The following LAMA2 variants were observed in gnomAD, a reference collection of about 807,000 sequenced individuals.
LAMA2 encodes the protein laminin subunit alpha-2.
LAMA2 carries 269 observed loss-of-function variants against 364.8 expected under a neutral mutation model. The observed-to-expected ratio is 0.74, with a 90% CI of 0.67 to 0.82. The LOEUF (loss-of-function observed/expected upper bound fraction) is 0.82. Ranked by LOEUF, LAMA2 falls within the 40% of genes least tolerant of loss-of-function variation. The pLI, the probability that LAMA2 is intolerant of heterozygous loss-of-function variation, is 0.00. For missense variants in LAMA2, 3,807 were observed against 3,873.2 expected (o/e 0.98, Z 0.45); for synonymous variants, 1,379 against 1,370.6 (o/e 1.01, Z -0.14).
intron 1 of LAMA2, among the ~76,000 whole-genome samples, chr6:129,030,980 A>G (rs917883301): frequency 2.6e-5 from 4 of 152,166 alleles, no homozygotes; most frequent in African/African-American, 7.2e-5. Flanking sequence ...AAAACTCATA[A>G]TATCTGAGAG....
At chr6:129,173,813 T>C (rs1780381227) in intron 9 of LAMA2, among the ~76,000 whole-genome samples, 1 of 152,146 alleles carries the variant, frequency 6.6e-6, no homozygotes, top group Admixed American at 6.5e-5. Context: ...TATTTTAGTG[T>C]ATTACTGGCA....
At chr6:129,140,891 A>C in intron 4 of LAMA2, among the ~76,000 whole-genome samples, 1 of 152,090 alleles carries the variant, frequency 6.6e-6, no homozygotes, top group East Asian at 1.9e-4. Context: ...AGCTGTGAGA[A>C]GTGTTCTTTT....
Position 128,908,638 on chromosome 6 carries a change from A to G in LAMA2, c.112+25281A>G, listed in dbSNP as rs1247881390. Among the ~76,000 whole-genome samples the G allele has an allele frequency of 3.9e-5, 5 of 129,374 alleles. No individual in the cohort carries two copies. The East Asian group carries it at 9.0e-4, about 23-fold the overall frequency. 84.9% of individuals were successfully genotyped at this position (129,374 alleles called of 152,430 possible). A position where few individuals can be genotyped will look rare whatever the true frequency, so the allele number is the denominator to read the frequency against. On this transcript the variant is annotated intron_variant, in intron 1 of 64. Coordinates refer to ENST00000421865, the MANE Select transcript of LAMA2 (RefSeq NM_000426.4). The stretch of plus-strand genomic sequence containing the variant: ...GGTTTTTTGTGTCTCTATTTCCTTC[A>G]GTTCTGCTCTGATTTTAGTTATTTC...
rs1774542275 is a variant in LAMA2, at chr6:129,315,636, A to G, written c.3716A>G (p.Glu1239Gly). 1.2e-6 allele frequency: 2 copies of G among 1,614,208 alleles called. No individual in the cohort carries two copies. Among genetic ancestry groups the G allele is most frequent in the Non-Finnish European group, 8.5e-7 (1 of 1,180,026 alleles). ...GAACCTTTTTATTGGAAACTTCCAG[A>G]ACAATTTGAAGGAAAGAAGGTAAGC... ...HLEPFYWKLP[E>G]QFEGKKLMAY... The change falls in exon 25 of 65, where the codon GAA (glutamate) becomes GGA (glycine). Residue 1239 changes from glutamate (E) to glycine (G), a missense_variant. Physicochemically the swap from Glu to Gly is moderately conservative, Grantham distance 98. Around this residue, in one of 3 missense-constraint regions of LAMA2, gnomAD observed 3,333 missense variants for 3,345.7 expected, o/e 1.00. Coordinates refer to ENST00000421865, the MANE Select transcript of LAMA2 (RefSeq NM_000426.4).
intron 9 of LAMA2, among the ~76,000 whole-genome samples, chr6:129,167,206 A>G (rs1779803185): frequency 6.6e-6 from 1 of 151,918 alleles, no homozygotes; most frequent in African/African-American, 2.4e-5. Flanking sequence ...ACATGTGCAC[A>G]ATGTGCAGGT....
At chr6:129,101,391 T>C (rs1178241673) in intron 4 of LAMA2, among the ~76,000 whole-genome samples, 1 of 152,226 alleles carries the variant, frequency 6.6e-6, no homozygotes, top group Non-Finnish European at 1.5e-5. Context: ...GAATTCTAGG[T>C]TTGCAGTTAT....
intron 1 of LAMA2, among the ~76,000 whole-genome samples, chr6:129,041,665 G>T (rs934680127): frequency 6.6e-6 from 1 of 152,202 alleles, no homozygotes; most frequent in Admixed American, 6.5e-5. Context: ...CACTTGGTAA[G>T]GTTGAAAGAA....
At position 129,481,452 on chromosome 6, in the gene LAMA2, C is replaced by T; in HGVS notation, c.7749+13C>T. On this transcript the variant is annotated intron_variant, in intron 55 of 64. Coordinates refer to ENST00000421865, the MANE Select transcript of LAMA2 (RefSeq NM_000426.4). ...GCAGACTGGACAGGTACCCTCACAC[C>T]TAGCTGATAATGCATTTTCCCTAAT... 6.2e-7 allele frequency: 1 copy of T among 1,606,598 alleles called. No individual in the cohort carries two copies. Among genetic ancestry groups the T allele is most frequent in the Non-Finnish European group, 8.5e-7 (1 of 1,173,186 alleles).
chr6:128,899,603 CT>C (rs1376387804), intron 1 of LAMA2, among the ~76,000 whole-genome samples: 1 of 152,010 alleles, frequency 6.6e-6, no homozygotes, highest in Non-Finnish European at 1.5e-5. Flanking sequence ...TTTATGTGTA[CT>C]TTTTCCCCCT....
At chr6:129,068,611 G>A (rs1773093604) in intron 3 of LAMA2, among the ~76,000 whole-genome samples, 1 of 152,192 alleles carries the variant, frequency 6.6e-6, no homozygotes, top group South Asian at 2.1e-4. Flanking sequence ...TTAGGGGTTA[G>A]GATTTCAACA....
At chr6:129,069,433 A>T (rs1004124735) in intron 3 of LAMA2, among the ~76,000 whole-genome samples, 18 of 148,360 alleles carry the variant, frequency 1.2e-4, no homozygotes, top group Non-Finnish European at 8.9e-5. Context: ...TTTATTTAAA[A>T]ATAAGGAATT....
chr6:129,173,299 G>T (rs998221535), intron 9 of LAMA2, among the ~76,000 whole-genome samples: 1 of 152,084 alleles, frequency 6.6e-6, no homozygotes, highest in African/African-American at 2.4e-5. Context: ...CGTCTTGAAA[G>T]GTGAAGAAAT....
chr6:129,307,147 A>G (rs2114479121), intron 22 of LAMA2, among the ~76,000 whole-genome samples: 1 of 152,254 alleles, frequency 6.6e-6, no homozygotes, highest in Non-Finnish European at 1.5e-5. Context: ...CTTGCTTTTG[A>G]GTTTTGTTAG....
chr6:128,899,575 T>A (rs1346097912), intron 1 of LAMA2, among the ~76,000 whole-genome samples: 1 of 152,208 alleles, frequency 6.6e-6, no homozygotes, highest in African/African-American at 2.4e-5. Flanking sequence ...AGACCAAGAG[T>A]GTTGCCTTTT....
intron 4 of LAMA2, among the ~76,000 whole-genome samples, chr6:129,136,119 T>A (rs1413357434): frequency 6.6e-6 from 1 of 152,158 alleles, no homozygotes; most frequent in Non-Finnish European, 1.5e-5. Flanking sequence ...TAATCACTGT[T>A]CCTTTTGTAC....
intron 40 of LAMA2, among the ~76,000 whole-genome samples, chr6:129,404,360 A>C (rs1483574807): frequency 6.6e-6 from 1 of 152,210 alleles, no homozygotes; most frequent in Non-Finnish European, 1.5e-5. Flanking sequence ...TATAAAATTC[A>C]CTTTTTAATA....
At chr6:129,459,420 A>G (rs1281737023) in intron 48 of LAMA2, among the ~76,000 whole-genome samples, 1 of 152,096 alleles carries the variant, frequency 6.6e-6, no homozygotes, top group Non-Finnish European at 1.5e-5. Flanking sequence ...TTGTGTATCA[A>G]GCCTAAGACT....
chr6:129,037,804 C>G lies in LAMA2; in HGVS notation c.113-12114C>G, dbSNP rs545124185. On this transcript the variant is annotated intron_variant, in intron 1 of 64. Coordinates refer to ENST00000421865, the MANE Select transcript of LAMA2 (RefSeq NM_000426.4). The stretch of plus-strand genomic sequence containing the variant: ...CCCGCCTCAGCCTCCCGAGTAGCTG[C>G]AACTACAGGTGCTTGCCACCACACC... Among the ~76,000 whole-genome samples, 1,059 of 151,892 alleles carry G rather than the reference C, an allele frequency of 7.0e-3. 6 individuals are homozygous for G. Among genetic ancestry groups the G allele is most frequent in the Non-Finnish European group, 9.8e-3 (663 of 67,924 alleles).
chr6:129,244,242 A>G (rs1448338375), intron 12 of LAMA2, among the ~76,000 whole-genome samples: 1 of 152,132 alleles, frequency 6.6e-6, no homozygotes, highest in East Asian at 1.9e-4. Flanking sequence ...TAAAGAAGAG[A>G]AATCTGTTCT....
Sources: allele counts gnomAD v4.1 joint callset (sites outside exome capture counted in the v4.1 genomes callset), GRCh38; gene constraint gnomAD v4.1.1; regional missense constraint gnomAD v4.1.1; transcripts MANE v1.5; gene names NCBI Gene and HGNC (gene_info 2026-07-23, HGNC 2026-07-21).